The following NPTXR variants were observed in gnomAD, a reference collection of about 807,000 sequenced individuals.
The protein encoded by NPTXR is neuronal pentraxin receptor.
In NPTXR, 12 loss-of-function variants were observed where a neutral mutation model predicts 32.2. That is an observed-to-expected ratio of 0.37 (90% CI 0.24 to 0.60). The LOEUF is 0.60. Ranked by LOEUF, NPTXR falls within the 20% of genes least tolerant of loss-of-function variation. The pLI is 0.66. For missense variants in NPTXR, 612 were observed against 682.9 expected (o/e 0.90, Z 1.16); for synonymous variants, 323 against 315.8 (o/e 1.02, Z -0.24).
rs56208555 is a variant in NPTXR, at chr22:38,829,589, C to T, written c.625-1077G>A. 6.4e-3 allele frequency among the ~76,000 whole-genome samples: 978 copies of T among 152,274 alleles called. 12 individuals are homozygous for T. The highest frequency in any genetic ancestry group is 7.6e-3 in the Non-Finnish European group (515 of 68,004). On this transcript the variant is annotated intron_variant, in intron 1 of 4. Transcript: ENST00000333039. ...ATCCTCCACCATCCTCCTGGATTCC[C>T]CCTCCTCCATGGTCCCCGCTACCAG...
At chr22:38,835,169 C>T (rs952573335) in intron 1 of NPTXR, among the ~76,000 whole-genome samples, 1 of 152,226 alleles carries the variant, frequency 6.6e-6, no homozygotes, top group Non-Finnish European at 1.5e-5. Flanking sequence ...GCCCCAAAGG[C>T]AAATATGGCC....
At chr22:38,838,580 T>C in intron 1 of NPTXR, among the ~76,000 whole-genome samples, 1 of 131,992 alleles carries the variant, frequency 7.6e-6, no homozygotes, top group Non-Finnish European at 1.6e-5. Flanking sequence ...GCTATTTTTT[T>C]TTTTTTTTTT....
chr22:38,821,780 C>T lies in NPTXR; in HGVS notation c.*829G>A, dbSNP rs2093097512. ...GGTGGGGTCTCCTGGGCCATGAGGC[C>T]TCTACCTTAGGGCTGCTCCCAGCCC... On this transcript the variant is annotated 3_prime_UTR_variant, in exon 5 of 5. Transcript: ENST00000333039. The T allele has an allele frequency of 6.5e-6, 1 of 152,890 alleles. No individual in the cohort carries two copies. The allele number at this position is 152,890 out of a possible 1,614,324, so 9.5% of individuals were successfully genotyped here. A position where few individuals can be genotyped will look rare whatever the true frequency, so the allele number is the denominator to read the frequency against.
At chr22:38,827,385 C>G (rs865837825) in intron 2 of NPTXR, among the ~76,000 whole-genome samples, 40 of 151,926 alleles carry the variant, frequency 2.6e-4, no homozygotes, top group African/African-American at 9.2e-4. Flanking sequence ...AGGTATGCAC[C>G]ACCACACCCA....
Position 38,822,654 on chromosome 22 carries a change from T to C in NPTXR, c.1458A>G (p.Ala486=). The C allele has an allele frequency of 6.2e-7, 1 of 1,613,974 alleles. No homozygotes were observed. Among genetic ancestry groups the C allele is most frequent in the Non-Finnish European group, 8.5e-7 (1 of 1,179,966 alleles). The change falls in exon 5 of 5, where the codon GCA becomes GCG. Residue 486 remains alanine, a synonymous_variant. Transcript: ENST00000333039. ...TGCAGACATCGAAGGCAGCCTTTGTTGCACCCCCAAAGGCCTCCACCAACT... is the reference window on the plus strand; with the variant it reads ...TGCAGACATCGAAGGCAGCCTTTGTCGCACCCCCAAAGGCCTCCACCAACT...
intron 2 of NPTXR, among the ~76,000 whole-genome samples, chr22:38,827,328 G>A (rs1200821615): frequency 6.7e-6 from 1 of 149,264 alleles, no homozygotes; most frequent in East Asian, 2.0e-4. Flanking sequence ...TCACCTCCCA[G>A]GCTCAAGCAA....
chr22:38,832,855 A>C (rs1289388082), intron 1 of NPTXR, among the ~76,000 whole-genome samples: 3 of 151,414 alleles, frequency 2.0e-5, no homozygotes, highest in African/African-American at 7.3e-5. Context: ...CAAGCAGGAG[A>C]GGTACTAATG....
intron 1 of NPTXR, among the ~76,000 whole-genome samples, chr22:38,840,219 C>T (rs1056218184): frequency 1.3e-5 from 2 of 151,870 alleles, no homozygotes; most frequent in African/African-American, 4.8e-5. Context: ...TTATGGAAGC[C>T]CAGGTGGGGA....
intron 1 of NPTXR, among the ~76,000 whole-genome samples, chr22:38,837,738 A>T (rs1412374955): frequency 2.6e-5 from 4 of 152,234 alleles, no homozygotes; most frequent in Non-Finnish European, 4.4e-5. Flanking sequence ...TTTTACAGAT[A>T]AGAAAACCAA....
rs572285649 is a variant in NPTXR at position 38,829,583 on chromosome 22, G to A, written c.625-1071C>T. ...TTCACCATCCTCCACCATCCTCCTG[G>A]ATTCCCCCTCCTCCATGGTCCCCGC... On this transcript the variant is annotated intron_variant, in intron 1 of 4. Transcript: ENST00000333039. Among the ~76,000 whole-genome samples the A allele has an allele frequency of 7.9e-5, 12 of 152,278 alleles. No individual in the cohort carries two copies. In the South Asian group the frequency reaches 2.5e-3, roughly 32 times the overall value.
rs1010111237 is a variant in NPTXR, at chr22:38,822,069, G to C, written c.*540C>G. 2.2e-5 allele frequency: 3 copies of C among 134,970 alleles called. No individual in the cohort carries two copies. Among genetic ancestry groups the C allele is most frequent in the Admixed American group, 1.5e-4 (2 of 13,552 alleles). 8.4% of individuals were successfully genotyped at this position (134,970 alleles called of 1,614,324 possible). A position where few individuals can be genotyped will look rare whatever the true frequency, so the allele number is the denominator to read the frequency against. On this transcript the variant is annotated 3_prime_UTR_variant, in exon 5 of 5. Coordinates refer to ENST00000333039, the MANE Select transcript of NPTXR (RefSeq NM_014293.4). ...AAGAGGGAGGCATGGGTGGGGGGGG[G>C]GGGAGGCTCCATCGAGATCCCACTG...
At chr22:38,836,671 C>T (rs1276668447) in intron 1 of NPTXR, among the ~76,000 whole-genome samples, 3 of 152,146 alleles carry the variant, frequency 2.0e-5, no homozygotes, top group Non-Finnish European at 2.9e-5. Context: ...ATCTGGCTGG[C>T]GCTTTCACAG....
intron 1 of NPTXR, among the ~76,000 whole-genome samples, chr22:38,840,241 CAG>C (rs1468410600): frequency 2.0e-5 from 3 of 152,012 alleles, no homozygotes; most frequent in African/African-American, 7.2e-5. Context: ...AGGAAGGGGA[CAG>C]AGTGTGAACA....
Position 38,828,471 on chromosome 22 carries a change from G to T in NPTXR, c.666C>A (p.Ala222=). ...GGCCGGTGGGCACAGCAGAGACTGG[G>T]GCTGGGGCAGCTGAGAGGTTCACAC... Residue 222 remains alanine, a synonymous_variant, in exon 2 of 5, where the codon GCC becomes GCA. Transcript: ENST00000333039. 6.2e-7 allele frequency: 1 copy of T among 1,604,422 alleles called. No homozygotes were observed.
intron 2 of NPTXR, among the ~76,000 whole-genome samples, chr22:38,827,917 T>G (rs894439055): frequency 6.6e-6 from 1 of 152,162 alleles, no homozygotes; most frequent in African/African-American, 2.4e-5. Flanking sequence ...GGTGGTTAAA[T>G]GTATGGTTGT....
Position 38,826,506 on chromosome 22 carries a change from G to A in NPTXR, c.1092C>T (p.Asn364=), listed in dbSNP as rs530212748. The A allele has an allele frequency of 1.9e-4, 310 of 1,604,090 alleles. 3 individuals carry two copies. The South Asian group carries it at 3.1e-3, about 16-fold the overall frequency. The change falls in exon 3 of 5, where the codon AAC becomes AAT. Residue 364 remains asparagine, a synonymous_variant. Transcript: ENST00000333039. ...CCCTGCCAGCCCTGCCTACCTTGTC[G>A]TTGATCAGCAGCTCCATGGGCTCAT...
In NPTXR at chr22:38,819,478, G is replaced by A. The variant is rs1207445006; in HGVS notation, c.*3131C>T. 6.6e-6 allele frequency: 1 copy of A among 152,276 alleles called. No individual in the cohort carries two copies. Among genetic ancestry groups the A allele is most frequent in the African/African-American group, 2.4e-5 (1 of 41,452 alleles). 9.4% of individuals were successfully genotyped at this position (152,276 alleles called of 1,614,324 possible). A position where few individuals can be genotyped will look rare whatever the true frequency, so the allele number is the denominator to read the frequency against. On this transcript the variant is annotated 3_prime_UTR_variant, in exon 5 of 5. Transcript: ENST00000333039. ...GGGTCGGAACACGTCTGGAGCAATG[G>A]TGCCCAGATGGCACTCTACACAGGT...
rs2093120390 is a variant in NPTXR, at chr22:38,834,023, T to TAA, written c.625-5513_625-5512dup. Among the ~76,000 whole-genome samples the TAA allele has an allele frequency of 6.6e-6, 1 of 152,266 alleles. No homozygotes were observed. The highest frequency in any genetic ancestry group is 1.9e-4 in the East Asian group (1 of 5,182). ...TGAAATACTTGACATGATTTTCTTT[T>TAA]AAAAACAGGAAAACAATCCTAAAGT... is the stretch of plus-strand genomic sequence containing the variant. On this transcript the variant is annotated intron_variant, in intron 1 of 4. Coordinates refer to ENST00000333039, the MANE Select transcript of NPTXR (RefSeq NM_014293.4). The surrounding 1 kb of genome is among the most constrained non-coding windows in gnomAD (Gnocchi z 4.4).
Position 38,822,434 on chromosome 22 carries a change from CA to C in NPTXR, c.*174del. The C allele has an allele frequency of 1.6e-6, 1 of 623,058 alleles. No individual in the cohort carries two copies. Among genetic ancestry groups the C allele is most frequent in the South Asian group, 1.9e-5 (1 of 53,010 alleles). 38.6% of individuals were successfully genotyped at this position (623,058 alleles called of 1,614,324 possible). A position where few individuals can be genotyped will look rare whatever the true frequency, so the allele number is the denominator to read the frequency against. The stretch of plus-strand genomic sequence containing the variant: ...CCCACTCAGGTGGGGACAGGGGACA[CA>C]CTCGCAGGGCAGGGCATTCTGGAGG... On this transcript the variant is annotated 3_prime_UTR_variant, in exon 5 of 5. Transcript: ENST00000333039.
Sources: gnomAD v4.1 joint callset for allele counts (sites outside exome capture counted in the v4.1 genomes callset) on GRCh38, gnomAD v4.1.1 for gene constraint, Gnocchi (gnomAD v3.1) non-coding constraint, MANE v1.5 for transcripts, NCBI Gene and HGNC (gene_info 2026-07-23, HGNC 2026-07-21) for gene names.